Variants in PHTF1 observed in about 807,000 individuals in gnomAD.
PHTF1 encodes protein PHTF1.
PHTF1 carries 88 observed loss-of-function variants against 102.4 expected under a neutral mutation model. The observed-to-expected ratio is 0.86, with a 90% CI of 0.72 to 1.03. PHTF1 has a LOEUF of 1.03. PHTF1 is among the 50% of genes least tolerant of loss of function. PHTF1 has a pLI of 0.00. For synonymous variants in PHTF1, 289 were observed against 305.2 expected, an observed-to-expected ratio of 0.95 and a Z score of 0.55; for missense variants, 814 against 909.5, an observed-to-expected ratio of 0.89 and a Z score of 1.35.
At chr1:113,723,662 C>T (rs1027301184) in intron 7 of PHTF1, among the ~76,000 whole-genome samples, 1 of 152,188 alleles carries the variant, frequency 6.6e-6, no homozygotes, top group Non-Finnish European at 1.5e-5. Context: ...GGACCCCAAA[C>T]TATGAAATGA....
chr1:113,736,246 G>A (rs1433885402), intron 5 of PHTF1, among the ~76,000 whole-genome samples: 4 of 151,286 alleles, frequency 2.6e-5, no homozygotes, highest in Non-Finnish European at 5.9e-5. Flanking sequence ...GGAGGCTGAG[G>A]CAAGGGAATG....
intron 3 of PHTF1, among the ~76,000 whole-genome samples, chr1:113,740,544 G>A (rs745346504): frequency 1.3e-5 from 2 of 151,988 alleles, no homozygotes; most frequent in Non-Finnish European, 2.9e-5. Flanking sequence ...TGTTTCCTTT[G>A]CTGTGCAGAA....
chr1:113,720,779 C>T (rs1471577090), intron 7 of PHTF1, among the ~76,000 whole-genome samples: 1 of 152,208 alleles, frequency 6.6e-6, no homozygotes, highest in Non-Finnish European at 1.5e-5. Context: ...GGTGCCCACC[C>T]CACATTTCCC....
chr1:113,729,434 A>G (rs1227994138), intron 5 of PHTF1, among the ~76,000 whole-genome samples: 2 of 152,182 alleles, frequency 1.3e-5, no homozygotes, highest in African/African-American at 4.8e-5. Context: ...CAAAGGATAA[A>G]TGCTTGAGAA....
intron 3 of PHTF1, among the ~76,000 whole-genome samples, chr1:113,744,899 A>G (rs999559671): frequency 1.3e-5 from 2 of 150,764 alleles, no homozygotes; most frequent in Non-Finnish European, 3.0e-5. Context: ...CAGGGAGACA[A>G]GATCAAGCCA....
At chr1:113,734,526 C>G (rs1655183114) in intron 5 of PHTF1, among the ~76,000 whole-genome samples, 1 of 152,152 alleles carries the variant, frequency 6.6e-6, no homozygotes, top group African/African-American at 2.4e-5. Flanking sequence ...AAGTGAAACT[C>G]GCAAGTGATG....
rs200403755 is a variant in PHTF1, at chr1:113,704,679, C to T, written c.1790G>A (p.Arg597His). ...VENIKIWLSLRSYLKRRGPQR... is the reference protein window; with the variant it reads ...VENIKIWLSLHSYLKRRGPQR... The stretch of plus-strand genomic sequence containing the variant: ...AATAAAACTCACCTTTAGATAGGAA[C>T]GCAGTGATAACCATATTTTAATATT... Residue 597 changes from arginine to histidine, a missense_variant, in exon 14 of 19, where the codon CGT becomes CAT. Transcript: ENST00000369604. 4.1e-5 allele frequency: 65 copies of T among 1,588,174 alleles called. No homozygotes were observed. The highest frequency in any genetic ancestry group is 1.5e-4 in the African/African-American group (11 of 73,892).
intron 8 of PHTF1, 70 bp downstream of exon 8, chr1:113,713,209 C>G: frequency 1.4e-6 from 2 of 1,385,918 alleles, no homozygotes; most frequent in South Asian, 2.4e-5. Context: ...TTTTATATCT[C>G]TAACAGAATC....
intron 5 of PHTF1, among the ~76,000 whole-genome samples, chr1:113,729,926 C>T (rs567786649): frequency 2.0e-5 from 3 of 152,326 alleles, no homozygotes; most frequent in Admixed American, 6.5e-5. Context: ...TTGCATATTG[C>T]TACCTGAGGA....
At chr1:113,754,410 C>CAA (rs199692959) in intron 3 of PHTF1, among the ~76,000 whole-genome samples, 26 of 128,270 alleles carry the variant, frequency 2.0e-4, no homozygotes, top group East Asian at 1.3e-3. Flanking sequence ...GACCCTGTCT[C>CAA]AAAAAAAAAA....
chr1:113,698,220 A>G (rs747770428), intron 18 of PHTF1, 42 bp downstream of exon 18: 4 of 1,505,338 alleles, frequency 2.7e-6, no homozygotes, highest in Non-Finnish European at 3.7e-6. Context: ...GTACATAGTA[A>G]TTTTTAAGAC....
At chr1:113,727,012 A>T (rs1247919484) in intron 5 of PHTF1, among the ~76,000 whole-genome samples, 1 of 151,940 alleles carries the variant, frequency 6.6e-6, no homozygotes, top group Non-Finnish European at 1.5e-5. Flanking sequence ...TTTCCATTTC[A>T]TATATAATGA....
At position 113,712,038 on chromosome 1, in the gene PHTF1, T is replaced by C. The variant is rs962421693; in HGVS notation, c.859A>G (p.Met287Val). ...TCCACACTCCTACGCAATAATATCA[T>C]CTGTGTCCGTGCTTCACCATCTTCT... ...SEEDGEARTQ[M>V]ILLRRSVEGA... Residue 287 changes from methionine (M) to valine (V), a missense_variant, in exon 9 of 19, where the codon ATG (methionine) becomes GTG (valine). Met to Val is a conservative substitution (Grantham distance 21). Coordinates refer to ENST00000369604, the MANE Select transcript of PHTF1 (RefSeq NM_001323043.2). 4.3e-6 allele frequency: 7 copies of C among 1,613,844 alleles called. No homozygotes were observed. In the South Asian group the frequency reaches 6.6e-5, roughly 15 times the overall value.
At chr1:113,735,380 A>AT (rs1655327614) in intron 5 of PHTF1, among the ~76,000 whole-genome samples, 1 of 147,664 alleles carries the variant, frequency 6.8e-6, no homozygotes, top group African/African-American at 2.5e-5. Flanking sequence ...AAAAAAAAAA[A>AT]AAAAAAAAAA....
At chr1:113,723,047 C>T (rs1023821755) in intron 7 of PHTF1, among the ~76,000 whole-genome samples, 1 of 151,934 alleles carries the variant, frequency 6.6e-6, no homozygotes, top group African/African-American at 2.4e-5. Context: ...GAAGGAATCA[C>T]ATTACCTGAC....
In PHTF1 at chr1:113,718,661, C is replaced by T. The variant is rs1241966960; in HGVS notation, c.624-5223G>A. Among the ~76,000 whole-genome samples the T allele has an allele frequency of 2.6e-5, 4 of 152,256 alleles. No individual in the cohort carries two copies. The South Asian group carries it at 6.2e-4, about 24-fold the overall frequency. On this transcript the variant is annotated intron_variant, in intron 7 of 18. Coordinates refer to ENST00000369604, the MANE Select transcript of PHTF1 (RefSeq NM_001323043.2). ...CTTGACTTCTGTGCACCTGCAGGCT[C>T]GATACCACGTAGAAGCTGCCAAGGT...
intron 16 of PHTF1, among the ~76,000 whole-genome samples, chr1:113,700,539 A>G (rs147004819): frequency 2.4e-4 from 37 of 152,362 alleles, no homozygotes; most frequent in African/African-American, 8.9e-4. Context: ...ATGCTCCATT[A>G]CCACCAATAA....
chr1:113,702,422 C>T (rs1649548240), intron 15 of PHTF1, among the ~76,000 whole-genome samples: 1 of 151,824 alleles, frequency 6.6e-6, no homozygotes, highest in African/African-American at 2.4e-5. Flanking sequence ...ATGGGCCAGA[C>T]ACTCCAAAAT....
chr1:113,724,167 T>G (rs957692402), intron 7 of PHTF1, among the ~76,000 whole-genome samples: 1 of 152,034 alleles, frequency 6.6e-6, no homozygotes, highest in African/African-American at 2.4e-5. Context: ...ACACTGTTGG[T>G]GGAAATGTAA....
Sources: allele counts gnomAD v4.1 joint callset (sites outside exome capture counted in the v4.1 genomes callset), GRCh38; gene constraint gnomAD v4.1.1; transcripts MANE v1.5; gene names NCBI Gene and HGNC (gene_info 2026-07-23, HGNC 2026-07-21).